Variants in SEC23A observed in about 807,000 individuals in gnomAD.
The protein encoded by SEC23A is protein transport protein Sec23A.
SEC23A carries 56 observed loss-of-function variants against 103.7 expected under a neutral mutation model. The ratio of observed to expected loss-of-function variants is 0.54; its 90% CI spans 0.44 to 0.67. The LOEUF (loss-of-function observed/expected upper bound fraction) is 0.67. SEC23A is among the 30% of genes least tolerant of loss of function. The pLI is 0.00. For synonymous variants in SEC23A, 281 were observed against 293.0 expected (o/e 0.96, Z 0.42); for missense variants, 784 against 936.4 (o/e 0.84, Z 2.12).
rs569124117 is a variant in SEC23A, at chr14:39,064,765, G to A, written c.1308+148C>T. The A allele has an allele frequency of 5.1e-4, 363 of 704,876 alleles. 1 individual carries two copies. The highest frequency in any genetic ancestry group is 7.9e-4 in the Non-Finnish European group (307 of 386,748). 43.7% of individuals were successfully genotyped at this position (704,876 alleles called of 1,614,324 possible). On this transcript the variant is annotated intron_variant, in intron 11 of 19. Transcript: ENST00000307712. Reference sequence around the variant, plus strand: ...CTTTTTTGGGGGGATAACAGGAGGGGAACAGGGTCTCTCTATGTTGCCTGA... The same window carrying A: ...CTTTTTTGGGGGGATAACAGGAGGGAAACAGGGTCTCTCTATGTTGCCTGA...
At chr14:39,050,192 A>C (rs1886009012) in intron 14 of SEC23A, among the ~76,000 whole-genome samples, 1 of 152,228 alleles carries the variant, frequency 6.6e-6, no homozygotes, top group African/African-American at 2.4e-5. Flanking sequence ...AAGCATAAAG[A>C]AGGTATATCC....
chr14:39,082,989 T>C (rs967184855), intron 7 of SEC23A, among the ~76,000 whole-genome samples: 6 of 152,200 alleles, frequency 3.9e-5, no homozygotes, highest in African/African-American at 1.2e-4. Flanking sequence ...TTGGGACAAC[T>C]GGTAAAACTT....
chr14:39,059,276 T>C (rs1258388599), intron 13 of SEC23A, among the ~76,000 whole-genome samples: 5 of 26,398 alleles, frequency 1.9e-4, no homozygotes, highest in Admixed American at 1.8e-3. Context: ...ATAGTCCTAG[T>C]TTAAAAAAAA....
chr14:39,087,200 TGA>T (rs1887474604), intron 5 of SEC23A, among the ~76,000 whole-genome samples, 192 bp from the exon 6 acceptor site: 1 of 152,180 alleles, frequency 6.6e-6, no homozygotes. Flanking sequence ...ATAATCATCA[TGA>T]GAGAGAAAAG....
rs1167570909 is a variant in SEC23A, at chr14:39,055,147, C to T, written c.1655G>A (p.Arg552Gln). ...AGCACAGTGTTTATTTCTTACCAGTCGAATGAGCTGTCTGTCCAGCCACCT... is the reference window on the plus strand; with the variant it reads ...AGCACAGTGTTTATTTCTTACCAGTTGAATGAGCTGTCTGTCCAGCCACCT... ...VLRWLDRQLI[R>Q]LCQKFGEYHK... Residue 552 changes from arginine (R) to glutamine (Q), a missense_variant, in exon 14 of 20, where the codon CGA becomes CAA. Physicochemically the swap from Arg to Gln is conservative, Grantham distance 43. Around this residue, in one of 2 missense-constraint regions of SEC23A, gnomAD observed 683 missense variants for 774.2 expected, o/e 0.88. Transcript: ENST00000307712. The T allele has an allele frequency of 3.1e-6, 5 of 1,613,994 alleles. No individual in the cohort carries two copies. Among genetic ancestry groups the T allele is most frequent in the East Asian group, 2.2e-5 (1 of 44,894 alleles).
intron 9 of SEC23A, among the ~76,000 whole-genome samples, chr14:39,073,553 C>T (rs558630083): frequency 4.1e-4 from 61 of 147,816 alleles, no homozygotes; most frequent in African/African-American, 1.4e-3. Context: ...CTCGGCTTCT[C>T]AAAGTGCTAG....
Position 39,033,327 on chromosome 14 carries a change from T to C in SEC23A, c.2210A>G (p.Glu737Gly). 1.3e-6 allele frequency: 2 copies of C among 1,486,100 alleles called. No individual in the cohort carries two copies. The highest frequency in any genetic ancestry group is 1.8e-6 in the Non-Finnish European group (2 of 1,117,078). The allele number at this position is 1,486,100 out of a possible 1,614,324, so 92.1% of individuals were successfully genotyped here. Reference sequence around the variant, plus strand: ...ATCTGTAAGAATAGGTGCTCCAGACTCCTAGAGGAAAAAAGATATTTGTTA... The same window carrying C: ...ATCTGTAAGAATAGGTGCTCCAGACCCCTAGAGGAAAAAAGATATTTGTTA... ...THNNMYAWGQ[E>G]SGAPILTDDV... The change falls in exon 20 of 20, where the codon GAG (glutamate) becomes GGG (glycine). Residue 737 changes from glutamate (E) to glycine (G), a missense_variant and splice_region_variant. Physicochemically the swap from Glu to Gly is moderately conservative, Grantham distance 98 (BLOSUM62 -2). Coordinates refer to ENST00000307712, the MANE Select transcript of SEC23A (RefSeq NM_006364.4).
intron 7 of SEC23A, among the ~76,000 whole-genome samples, chr14:39,084,537 AT>A (rs547887268): frequency 1.3e-4 from 20 of 151,996 alleles, no homozygotes; most frequent in African/African-American, 4.3e-4. Flanking sequence ...CTATAACCTG[AT>A]TTTTTTTCAC....
intron 1 of SEC23A, among the ~76,000 whole-genome samples, chr14:39,098,864 T>C (rs140294187): frequency 1.5e-3 from 224 of 151,240 alleles, no homozygotes; most frequent in Non-Finnish European, 2.8e-3. Context: ...TCCAGTGTTA[T>C]TAAGAAAAAA....
intron 14 of SEC23A, among the ~76,000 whole-genome samples, chr14:39,052,665 T>C (rs1219610819): frequency 6.6e-6 from 1 of 152,218 alleles, no homozygotes; most frequent in Admixed American, 6.5e-5. Context: ...AAGCAGCTTT[T>C]AGAATCTCTA....
intron 12 of SEC23A, among the ~76,000 whole-genome samples, 180 bp from the exon 13 acceptor site, chr14:39,062,051 G>A (rs1828563371): frequency 6.6e-6 from 1 of 152,128 alleles, no homozygotes; most frequent in South Asian, 2.1e-4. Flanking sequence ...AATTAATTTG[G>A]AGAGGAGGAA....
chr14:39,054,738 G>C (rs1215670283), intron 14 of SEC23A, among the ~76,000 whole-genome samples: 1 of 151,990 alleles, frequency 6.6e-6, no homozygotes, highest in Non-Finnish European at 1.5e-5. Flanking sequence ...ACCATTCCTG[G>C]CCTAATTTCT....
At chr14:39,089,722 C>T (rs1192891646) in intron 5 of SEC23A, among the ~76,000 whole-genome samples, 2 of 152,116 alleles carry the variant, frequency 1.3e-5, no homozygotes, top group Non-Finnish European at 2.9e-5. Context: ...TCTGGGAGGC[C>T]GAGGAAGGTG....
At chr14:39,100,417 T>TTA (rs1034965642) in intron 1 of SEC23A, among the ~76,000 whole-genome samples, 2 of 102 alleles carry the variant, frequency 0.02, no homozygotes, top group Non-Finnish European at 0.037. Flanking sequence ...CCAACTTAAC[T>TTA]TTTTTTTTTT....
chr14:39,100,011 T>G (rs1888028507), intron 1 of SEC23A, among the ~76,000 whole-genome samples: 1 of 152,176 alleles, frequency 6.6e-6, no homozygotes, highest in South Asian at 2.1e-4. Flanking sequence ...ATAGCCAGGT[T>G]TAACTTTCTA....
chr14:39,064,714 C>T, intron 11 of SEC23A, 199 bp downstream of exon 11: 1 of 585,554 alleles, frequency 1.7e-6, no homozygotes, highest in East Asian at 3.0e-5. Flanking sequence ...TTGGTGCTGT[C>T]CTGTGCGTTC....
intron 15 of SEC23A, among the ~76,000 whole-genome samples, chr14:39,046,848 G>T (rs1885856347): frequency 6.6e-6 from 1 of 152,106 alleles, no homozygotes; most frequent in Non-Finnish European, 1.5e-5. Flanking sequence ...CTTGTCTTTA[G>T]TCACTTCTCT....
At chr14:39,049,337 A>G (rs1327970296) in intron 14 of SEC23A, among the ~76,000 whole-genome samples, 5 of 151,972 alleles carry the variant, frequency 3.3e-5, no homozygotes, top group East Asian at 1.9e-4. Flanking sequence ...TAAGCCAGGC[A>G]TGGTGGTGCG....
chr14:39,067,285 A>G lies in SEC23A; in HGVS notation c.1115T>C (p.Val372Ala). The G allele has an allele frequency of 6.2e-7, 1 of 1,613,624 alleles. No individual in the cohort carries two copies. The highest frequency in any genetic ancestry group is 8.5e-7 in the Non-Finnish European group (1 of 1,179,806). ...CCPNLTGGYM[V>A]MGDSFNTSLF... ...GGAAGTATTGAAAGAATCACCCATTACCATGTATCCTCTGCATGGAAAGAA... is the reference window on the plus strand; with the variant it reads ...GGAAGTATTGAAAGAATCACCCATTGCCATGTATCCTCTGCATGGAAAGAA... Residue 372 changes from valine to alanine, a missense_variant, in exon 10 of 20, where the codon GTA becomes GCA. Physicochemically the swap from Val to Ala is moderately conservative, Grantham distance 64 (BLOSUM62 0). Around this residue, in one of 2 missense-constraint regions of SEC23A, gnomAD observed 683 missense variants for 774.2 expected, o/e 0.88. Coordinates refer to ENST00000307712, the MANE Select transcript of SEC23A (RefSeq NM_006364.4).
Sources: gnomAD v4.1 joint callset for allele counts (sites outside exome capture counted in the v4.1 genomes callset) on GRCh38, gnomAD v4.1.1 for gene constraint, gnomAD v4.1.1 regional missense constraint, MANE v1.5 for transcripts, NCBI Gene and HGNC (gene_info 2026-07-23, HGNC 2026-07-21) for gene names.